The following FOCAD variants were observed in gnomAD, a reference collection of about 807,000 sequenced individuals.
FOCAD encodes focadhesin.
FOCAD carries 198 observed loss-of-function variants against 225.6 expected under a neutral mutation model. The observed-to-expected ratio is 0.88, with a 90% CI of 0.78 to 0.99. The LOEUF is 0.99. FOCAD is among the 50% of genes least tolerant of loss of function. FOCAD has a pLI of 0.00. For missense variants in FOCAD, 2,713 were observed against 2,123.6 expected (o/e 1.28, Z -5.46); for synonymous variants, 897 against 755.0 (o/e 1.19, Z -3.08).
rs747606124 is a variant in FOCAD, at chr9:20,874,655, T to A, written c.2191-26T>A. ...CATAATGTTTTATTATTATCCTCTCTATGATCTTTTCGCTTATCATTTCAG... is the reference window on the plus strand; with the variant it reads ...CATAATGTTTTATTATTATCCTCTCAATGATCTTTTCGCTTATCATTTCAG... On this transcript the variant is annotated intron_variant, in intron 18 of 43. Transcript: ENST00000338382. The A allele has an allele frequency of 1.9e-6, 3 of 1,609,632 alleles. No homozygotes were observed. The African/African-American group carries it at 4.0e-5, about 22-fold the overall frequency.
intron 24 of FOCAD, among the ~76,000 whole-genome samples, chr9:20,919,402 T>C (rs904423934): frequency 6.6e-5 from 10 of 152,280 alleles, no homozygotes; most frequent in South Asian, 4.1e-4. Context: ...AGGTAATTTA[T>C]AGATTCAATG....
chr9:20,705,402 T>C (rs1824301461), intron 1 of FOCAD, among the ~76,000 whole-genome samples: 1 of 152,162 alleles, frequency 6.6e-6, no homozygotes, highest in Non-Finnish European at 1.5e-5. Flanking sequence ...AAGAATTAGG[T>C]AGGTTATTTT....
chr9:20,683,394 C>A (rs1314231844), upstream of FOCAD: 1 of 152,058 alleles, frequency 6.6e-6, no homozygotes, highest in Non-Finnish European at 1.5e-5. Context: ...TTAACTCTTT[C>A]ATCTTGCGTA....
chr9:20,801,863 A>G (rs1173064683), intron 11 of FOCAD, among the ~76,000 whole-genome samples: 5 of 152,148 alleles, frequency 3.3e-5, no homozygotes, highest in Admixed American at 3.3e-4. Context: ...GGAAAAGTCA[A>G]CCCCAGAATG....
At chr9:20,864,004 C>T (rs1205254829) in intron 16 of FOCAD, among the ~76,000 whole-genome samples, 1 of 151,914 alleles carries the variant, frequency 6.6e-6, no homozygotes, top group African/African-American at 2.4e-5. Flanking sequence ...TAGGGTTCCT[C>T]TGTTGTTCAG....
chr9:20,771,885 A>G (rs1818271165), intron 8 of FOCAD, among the ~76,000 whole-genome samples: 1 of 152,188 alleles, frequency 6.6e-6, no homozygotes, highest in East Asian at 1.9e-4. Context: ...TCCTCGCATG[A>G]TAGGGAGAGT....
At chr9:20,933,790 C>T (rs1053250515) in intron 28 of FOCAD, among the ~76,000 whole-genome samples, 1 of 152,160 alleles carries the variant, frequency 6.6e-6, no homozygotes, top group African/African-American at 2.4e-5. Flanking sequence ...GGAATCTCCA[C>T]ACTGTTTTCC....
chr9:20,812,543 A>G (rs1823202864), intron 11 of FOCAD, among the ~76,000 whole-genome samples: 1 of 151,582 alleles, frequency 6.6e-6, no homozygotes, highest in African/African-American at 2.4e-5. Context: ...TCTGTTTTTT[A>G]TATGCTTGAT....
chr9:20,824,005 T>C (rs550662607), intron 15 of FOCAD, among the ~76,000 whole-genome samples: 9 of 152,208 alleles, frequency 5.9e-5, no homozygotes, highest in African/African-American at 2.2e-4. Flanking sequence ...GGTATGAGAA[T>C]ACACTTCTAT....
intron 21 of FOCAD, among the ~76,000 whole-genome samples, chr9:20,893,017 T>TA (rs933823174): frequency 3.3e-5 from 5 of 151,774 alleles, no homozygotes; most frequent in African/African-American, 9.7e-5. Context: ...GTCAAATATT[T>TA]AAAAAAAAAT....
At chr9:20,878,166 T>C (rs1462587206) in intron 19 of FOCAD, among the ~76,000 whole-genome samples, 1 of 152,052 alleles carries the variant, frequency 6.6e-6, no homozygotes, top group East Asian at 1.9e-4. Flanking sequence ...TCTTTAGAAG[T>C]CTTTATACAA....
At chr9:20,860,277 C>T (rs770313760) in intron 15 of FOCAD, among the ~76,000 whole-genome samples, 3 of 152,006 alleles carry the variant, frequency 2.0e-5, no homozygotes, top group African/African-American at 7.2e-5. Flanking sequence ...TATTGCATTT[C>T]GTTGTCACGT....
At chr9:20,918,226 C>G (rs1378826814) in intron 24 of FOCAD, among the ~76,000 whole-genome samples, 4 of 152,232 alleles carry the variant, frequency 2.6e-5, no homozygotes, top group Non-Finnish European at 5.9e-5. Context: ...AACTTGAATG[C>G]AGAAGAAACT....
intron 15 of FOCAD, among the ~76,000 whole-genome samples, chr9:20,845,811 A>G (rs1486476783): frequency 6.6e-6 from 1 of 151,970 alleles, no homozygotes; most frequent in Non-Finnish European, 1.5e-5. Context: ...AACATTGTTG[A>G]CCATTGTAAC....
intron 4 of FOCAD, 22 bp downstream of exon 4, chr9:20,720,556 G>C: frequency 6.3e-7 from 1 of 1,597,952 alleles, no homozygotes; most frequent in Non-Finnish European, 8.5e-7. Flanking sequence ...TCAGTGTTTG[G>C]TCAGTTAATG....
At chr9:20,712,633 C>T (rs1249907153) in intron 1 of FOCAD, among the ~76,000 whole-genome samples, 2 of 151,062 alleles carry the variant, frequency 1.3e-5, no homozygotes, top group African/African-American at 4.9e-5. Context: ...GCACTCCAGC[C>T]TGGGTGACAG....
chr9:20,672,005 G>C (rs1294553412), intron 2 of FOCAD, among the ~76,000 whole-genome samples: 1 of 150,796 alleles, frequency 6.6e-6, no homozygotes. Flanking sequence ...TTCCTCCCTG[G>C]AGAGCCTGTT....
rs1818083817 is a variant in FOCAD at position 20,770,350 on chromosome 9, C to T, written c.906+112C>T. 7.4e-6 allele frequency: 7 copies of T among 951,996 alleles called. No homozygotes were observed. In the South Asian group the frequency reaches 1.1e-4, roughly 15 times the overall value. The allele number at this position is 951,996 out of a possible 1,614,324, so 59.0% of individuals were successfully genotyped here. ...TTGGCTTACAGTCTGGCAGGCTGTA[C>T]AGGATGCATGGTGCTGGCATCTGCT... is the stretch of plus-strand genomic sequence containing the variant. On this transcript the variant is annotated intron_variant, in intron 8 of 43. Transcript: ENST00000338382.
chr9:20,821,683 T>C (rs1309701657), intron 14 of FOCAD, among the ~76,000 whole-genome samples: 1 of 151,942 alleles, frequency 6.6e-6, no homozygotes, highest in Non-Finnish European at 1.5e-5. Flanking sequence ...TTTTCTTGCA[T>C]GTGGTAAGAT....
Sources: allele counts gnomAD v4.1 joint callset (sites outside exome capture counted in the v4.1 genomes callset), GRCh38; gene constraint gnomAD v4.1.1; transcripts MANE v1.5; gene names NCBI Gene and HGNC (gene_info 2026-07-23, HGNC 2026-07-21).